LEUTX: variants seen among roughly 807,000 people sequenced by gnomAD.
The protein encoded by LEUTX is paired-like homeodomain transcription factor LEUTX.
A neutral mutation model predicts 4.5 loss-of-function variants in LEUTX; 5 were observed. That is an observed-to-expected ratio of 1.11 (90% CI 0.58 to 2.34). LEUTX has a LOEUF of 2.34. Among genes scored for constraint, LEUTX ranks in the 30% most tolerant of loss-of-function variants. LEUTX has a pLI of 0.01. For synonymous variants in LEUTX, 89 were observed against 85.1 expected (o/e 1.05, Z -0.25); for missense variants, 233 against 239.4 (o/e 0.97, Z 0.18).
At chr19:39,778,663 CTT>C (rs34540141), upstream of LEUTX, among the ~76,000 whole-genome samples, 192 of 119,608 alleles carry the variant, frequency 1.6e-3, no homozygotes, top group East Asian at 4.7e-3. Context: ...AAGGATCAGT[CTT>C]TTTTTTTTTT....
chr19:39,780,297 A>AT (rs1378197244), intron 1 of LEUTX, among the ~76,000 whole-genome samples: 1 of 152,154 alleles, frequency 6.6e-6, no homozygotes, highest in East Asian at 1.9e-4. Context: ...TAACTTATCA[A>AT]TGTGCAGTGT....
intron 2 of LEUTX, among the ~76,000 whole-genome samples, chr19:39,785,139 T>C (rs1203225916): frequency 1.3e-5 from 2 of 152,190 alleles, no homozygotes; most frequent in African/African-American, 2.4e-5. Context: ...ACTCTGACTT[T>C]AAAATACTTT....
chr19:39,785,767 C>G lies in LEUTX; in HGVS notation c.229C>G (p.Leu77Val). ...QRQQMQTRPS[L>V]GPANQTTSVK... ...GCAGCAAATGCAGACACGGCCATCA[C>G]TAGGGCCAGCAAACCAGACAACTTC... is the stretch of plus-strand genomic sequence containing the variant. Residue 77 changes from leucine to valine, a missense_variant, in exon 3 of 3, where the codon CTA (leucine) becomes GTA (valine). By Grantham distance (32) the Leu-to-Val change is conservative. Coordinates refer to ENST00000638280, the MANE Select transcript of LEUTX (RefSeq NM_001382345.1). 2 of 1,551,746 alleles carry G rather than the reference C, an allele frequency of 1.3e-6. No homozygotes were observed. Among genetic ancestry groups the G allele is most frequent in the Non-Finnish European group, 1.7e-6 (2 of 1,146,998 alleles).
intron 1 of LEUTX, 68 bp from the exon 2 acceptor site, chr19:39,784,459 G>A (rs1386314904): frequency 4.4e-6 from 3 of 675,332 alleles, no homozygotes; most frequent in African/African-American, 1.8e-5. Flanking sequence ...GTGTTCCCTT[G>A]ATGTAGTACT....
Position 39,783,508 on chromosome 19 carries a change from G to A in LEUTX, c.8-1019G>A, listed in dbSNP as rs552803796. Among the ~76,000 whole-genome samples, 4 of 151,338 alleles carry A rather than the reference G, an allele frequency of 2.6e-5. No individual in the cohort carries two copies. The East Asian group carries it at 5.8e-4, about 22-fold the overall frequency. Reference sequence around the variant, plus strand: ...TTGTATAATGACTTATTTTCCTCTGGGTAGATAGCCAGTAGTTGGATTGCT... The same window carrying A: ...TTGTATAATGACTTATTTTCCTCTGAGTAGATAGCCAGTAGTTGGATTGCT... On this transcript the variant is annotated intron_variant, in intron 1 of 2. Transcript: ENST00000638280.
At chr19:39,777,945 G>A (rs537853724), upstream of LEUTX, among the ~76,000 whole-genome samples, 3 of 152,264 alleles carry the variant, frequency 2.0e-5, no homozygotes, top group South Asian at 2.1e-4. Flanking sequence ...TGGAGGTTGC[G>A]GGAGAGGACA....
At chr19:39,780,457 T>C (rs193057166) in intron 1 of LEUTX, among the ~76,000 whole-genome samples, 1 of 152,352 alleles carries the variant, frequency 6.6e-6, no homozygotes, top group East Asian at 1.9e-4. Context: ...GTGCTCATCG[T>C]GGAATGTCTT....
chr19:39,776,698 T>C (rs61276555), upstream of LEUTX: 1,899 of 455,550 alleles, frequency 4.2e-3, 30 homozygotes, highest in African/African-American at 0.028. Context: ...TTTTCTTTCA[T>C]TTCTCAAGTA....
rs1039342704 is a variant in LEUTX, at chr19:39,786,172, G to A, written c.*37G>A. The A allele has an allele frequency of 7.2e-7, 1 of 1,397,356 alleles. No individual in the cohort carries two copies. The highest frequency in any genetic ancestry group is 2.5e-5 in the East Asian group (1 of 39,888). The allele number at this position is 1,397,356 out of a possible 1,614,324, so 86.6% of individuals were successfully genotyped here. On this transcript the variant is annotated 3_prime_UTR_variant, in exon 3 of 3. Transcript: ENST00000638280. ...TCACTTCTAGGGGAGGTCTGGATCTGACCCACTGAGACATATTTCCACACA... is the reference window on the plus strand; with the variant it reads ...TCACTTCTAGGGGAGGTCTGGATCTAACCCACTGAGACATATTTCCACACA...
intron 1 of LEUTX, among the ~76,000 whole-genome samples, chr19:39,779,860 A>C (rs1967858874): frequency 6.6e-6 from 1 of 152,118 alleles, no homozygotes; most frequent in South Asian, 2.1e-4. Context: ...CTAAAAATAC[A>C]AAAATTAGCC....
intron 1 of LEUTX, among the ~76,000 whole-genome samples, chr19:39,779,907 G>A (rs1341096897): frequency 6.6e-6 from 1 of 152,130 alleles, no homozygotes; most frequent in Non-Finnish European, 1.5e-5. Context: ...CCAGCTACTT[G>A]GGAGGCTGAG....
At chr19:39,784,784 A>G (rs1203272829) in intron 2 of LEUTX, 106 bp downstream of exon 2, 3 of 792,262 alleles carry the variant, frequency 3.8e-6, no homozygotes, top group Non-Finnish European at 6.1e-6. Flanking sequence ...TGCTATGTGT[A>G]AGGACAGATG....
upstream of LEUTX, among the ~76,000 whole-genome samples, chr19:39,777,479 T>C (rs1317145361): frequency 1.3e-5 from 2 of 152,194 alleles, no homozygotes; most frequent in African/African-American, 2.4e-5. Flanking sequence ...TTCCCTGCTA[T>C]TGGGGAGGTC....
rs1341107441 is a variant in LEUTX at position 39,786,130 on chromosome 19, GTGTAAC to G, written c.594_*2del. ...TGAGTATGACCAGCTCCAATCTTCA[GTGTAAC>G]TTCTTACACATCACTTCTAGGGGAG... On this transcript the variant is annotated stop_lost and 3_prime_UTR_variant, in exon 3 of 3. Transcript: ENST00000638280. The G allele has an allele frequency of 2.0e-6, 3 of 1,519,878 alleles. No homozygotes were observed. Among genetic ancestry groups the G allele is most frequent in the Non-Finnish European group, 2.6e-6 (3 of 1,132,490 alleles). 94.1% of individuals were successfully genotyped at this position (1,519,878 alleles called of 1,614,324 possible).
chr19:39,776,574 C>G (rs1361013675), upstream of LEUTX: 1 of 455,860 alleles, frequency 2.2e-6, no homozygotes, highest in Non-Finnish European at 4.4e-6. Context: ...CAAACAAATG[C>G]AACAAAAAGA....
chr19:39,780,117 C>T (rs1362442013), intron 1 of LEUTX, among the ~76,000 whole-genome samples: 1 of 152,190 alleles, frequency 6.6e-6, no homozygotes, highest in Non-Finnish European at 1.5e-5. Flanking sequence ...AAAAATTATG[C>T]ATCAACAAGC....
chr19:39,782,896 C>T (rs958537673), intron 1 of LEUTX, among the ~76,000 whole-genome samples: 5 of 151,630 alleles, frequency 3.3e-5, no homozygotes, highest in African/African-American at 9.7e-5. Context: ...TTTGTATTTT[C>T]GTAGGCTATT....
chr19:39,784,412 G>A (rs139971840), intron 1 of LEUTX, 115 bp from the exon 2 acceptor site: 117 of 592,454 alleles, frequency 2.0e-4, no homozygotes, highest in African/African-American at 1.9e-3. Context: ...GACGGTCTAG[G>A]GCTCAAGGCT....
chr19:39,777,766 A>C (rs1485989001), upstream of LEUTX, among the ~76,000 whole-genome samples: 1 of 152,182 alleles, frequency 6.6e-6, no homozygotes, highest in Non-Finnish European at 1.5e-5. Context: ...GTGAGCTATG[A>C]TGGCACCACT....
Sources: gnomAD v4.1 joint callset for allele counts (sites outside exome capture counted in the v4.1 genomes callset) on GRCh38, gnomAD v4.1.1 for gene constraint, MANE v1.5 for transcripts, NCBI Gene and HGNC (gene_info 2026-07-23, HGNC 2026-07-21) for gene names.